NOVA1: variants seen among roughly 807,000 people sequenced by gnomAD.
The protein encoded by NOVA1 is NOVA alternative splicing regulator 1, also known as RNA-binding protein Nova-1.
A neutral mutation model predicts 38.0 loss-of-function variants in NOVA1; 7 were observed. The observed-to-expected ratio is 0.18, with a 90% confidence interval of 0.10 to 0.35. The LOEUF is 0.35. Ranked by LOEUF, NOVA1 falls within the 10% of genes least tolerant of loss-of-function variation. The pLI is 1.00. For synonymous variants in NOVA1, 270 were observed against 232.5 expected, an observed-to-expected ratio of 1.16 and a Z score of -1.47; for missense variants, 460 against 616.0, an observed-to-expected ratio of 0.75 and a Z score of 2.68.
chr14:26,568,819 G>A (rs538699593), intron 2 of NOVA1, among the ~76,000 whole-genome samples: 39 of 152,248 alleles, frequency 2.6e-4, no homozygotes, highest in African/African-American at 9.1e-4. Context: ...TGCTGTCATT[G>A]TAAGAGTAAA....
At chr14:26,572,356 C>T (rs139237720) in intron 2 of NOVA1, among the ~76,000 whole-genome samples, 241 of 152,082 alleles carry the variant, frequency 1.6e-3, no homozygotes, top group African/African-American at 5.4e-3. Context: ...ATCACTGGTG[C>T]CAATAAATAA....
At chr14:26,581,382 T>C (rs1031556858) in intron 2 of NOVA1, among the ~76,000 whole-genome samples, 3 of 152,148 alleles carry the variant, frequency 2.0e-5, no homozygotes, top group African/African-American at 7.2e-5. Context: ...ATCTTGAAAG[T>C]AGACATTATA....
At chr14:26,496,022 TGGCTGG>T (rs1380686245) in intron 2 of NOVA1, among the ~76,000 whole-genome samples, 7 of 140,694 alleles carry the variant, frequency 5.0e-5, no homozygotes, top group Non-Finnish European at 1.1e-4. Flanking sequence ...AGTAATGGGA[TGGCTGG>T]GTCAAATGGT....
At chr14:26,590,583 C>T (rs1230534039) in intron 2 of NOVA1, among the ~76,000 whole-genome samples, 1 of 151,750 alleles carries the variant, frequency 6.6e-6, no homozygotes, top group East Asian at 1.9e-4. Context: ...AACAATACAA[C>T]ATAAAATACA....
chr14:26,458,409 C>T (rs1883356241), intron 4 of NOVA1, among the ~76,000 whole-genome samples: 1 of 151,986 alleles, frequency 6.6e-6, no homozygotes, highest in African/African-American at 2.4e-5. Context: ...TTCAAAATAG[C>T]AAAGACATGG....
intron 2 of NOVA1, among the ~76,000 whole-genome samples, chr14:26,555,569 T>A (rs1046323151): frequency 6.6e-6 from 1 of 152,102 alleles, no homozygotes; most frequent in African/African-American, 2.4e-5. Context: ...AATTTATACG[T>A]TTTTTCTACT....
chr14:26,495,584 G>A (rs952398111), intron 2 of NOVA1, among the ~76,000 whole-genome samples: 5 of 137,756 alleles, frequency 3.6e-5, no homozygotes, highest in Admixed American at 1.4e-4. Flanking sequence ...ACATGCTGGT[G>A]CGCTGCACCC....
At chr14:26,462,799 C>T (rs1279368075) in intron 4 of NOVA1, among the ~76,000 whole-genome samples, 1 of 152,142 alleles carries the variant, frequency 6.6e-6, no homozygotes, top group African/African-American at 2.4e-5. Flanking sequence ...ATGTCAAAGA[C>T]AACCAATTTT....
At position 26,538,073 on chromosome 14, in the gene NOVA1, C is replaced by T. The variant is rs151274512; in HGVS notation, c.280+57337G>A. ...AGCATAAACGGCAGGGGGAAACTGA[C>T]ATAAGAGAATCAGAAAGACTCAGAG... is the stretch of plus-strand genomic sequence containing the variant. On this transcript the variant is annotated intron_variant, in intron 2 of 4. Coordinates refer to ENST00000539517, the MANE Select transcript of NOVA1 (RefSeq NM_002515.3). Among the ~76,000 whole-genome samples, 196 of 152,156 alleles carry T rather than the reference C, an allele frequency of 1.3e-3. 1 individual carries two copies. Among genetic ancestry groups the T allele is most frequent in the African/African-American group, 4.5e-3 (187 of 41,534 alleles).
intron 2 of NOVA1, among the ~76,000 whole-genome samples, chr14:26,530,685 G>A (rs531368408): frequency 2.0e-5 from 3 of 152,004 alleles, no homozygotes; most frequent in Non-Finnish European, 2.9e-5. Context: ...TAAAAACACT[G>A]CTTCCTATTA....
At chr14:26,516,906 C>CTTTTTTT (rs1179556122) in intron 2 of NOVA1, among the ~76,000 whole-genome samples, 1 of 135,618 alleles carries the variant, frequency 7.4e-6, no homozygotes, top group African/African-American at 2.7e-5. Flanking sequence ...GACTTTGCCT[C>CTTTTTTT]TTTTTTTTTT....
At chr14:26,475,085 T>C (rs1024844556) in intron 3 of NOVA1, among the ~76,000 whole-genome samples, 13 of 152,090 alleles carry the variant, frequency 8.5e-5, no homozygotes, top group Non-Finnish European at 1.5e-5. Context: ...TTCTCAACCA[T>C]ACAGATAAAG....
chr14:26,563,232 A>G (rs1285722878), intron 2 of NOVA1, among the ~76,000 whole-genome samples: 1 of 151,994 alleles, frequency 6.6e-6, no homozygotes, highest in East Asian at 1.9e-4. Context: ...AATACAATAC[A>G]AAGAGCAGAA....
At chr14:26,556,098 C>T (rs932878793) in intron 2 of NOVA1, among the ~76,000 whole-genome samples, 3 of 151,998 alleles carry the variant, frequency 2.0e-5, no homozygotes, top group Non-Finnish European at 2.9e-5. Context: ...TCTATAGATG[C>T]AATGCAATAC....
chr14:26,506,555 G>A (rs1016981776), intron 2 of NOVA1, among the ~76,000 whole-genome samples: 5 of 152,038 alleles, frequency 3.3e-5, no homozygotes, highest in Non-Finnish European at 7.4e-5. Flanking sequence ...AATCTGAATG[G>A]CCTCTGCAGA....
chr14:26,494,013 A>G (rs1886564855), intron 2 of NOVA1, among the ~76,000 whole-genome samples: 1 of 152,168 alleles, frequency 6.6e-6, no homozygotes, highest in African/African-American at 2.4e-5. Context: ...CCTCTAAGAG[A>G]CTGCTATTCC....
At chr14:26,513,112 C>T (rs1227342063) in intron 2 of NOVA1, among the ~76,000 whole-genome samples, 1 of 151,912 alleles carries the variant, frequency 6.6e-6, no homozygotes, top group South Asian at 2.1e-4. Context: ...TACAACAATG[C>T]TTTATGCACT....
At chr14:26,477,649 T>C (rs1444094846) in intron 3 of NOVA1, among the ~76,000 whole-genome samples, 2 of 152,074 alleles carry the variant, frequency 1.3e-5, no homozygotes, top group Non-Finnish European at 2.9e-5. Flanking sequence ...AAAATGATTT[T>C]AGACATAACT....
At chr14:26,518,797 T>G (rs1214296394) in intron 2 of NOVA1, among the ~76,000 whole-genome samples, 1 of 152,064 alleles carries the variant, frequency 6.6e-6, no homozygotes, top group African/African-American at 2.4e-5. Context: ...CATATGCAGG[T>G]TTGTTACATG....
Sources: gnomAD v4.1 joint callset for allele counts (sites outside exome capture counted in the v4.1 genomes callset) on GRCh38, gnomAD v4.1.1 for gene constraint, MANE v1.5 for transcripts, NCBI Gene and HGNC (gene_info 2026-07-23, HGNC 2026-07-21) for gene names.